Variants in GRXCR2 observed in about 807,000 individuals in gnomAD.
GRXCR2 encodes the protein glutaredoxin domain-containing cysteine-rich protein 2.
Under a neutral mutation model 24.8 loss-of-function variants are expected in GRXCR2, and 23 were observed. That is an observed-to-expected ratio of 0.93 (90% CI 0.67 to 1.32). The LOEUF (loss-of-function observed/expected upper bound fraction) is 1.32. GRXCR2 is among the 40% of genes most tolerant of loss of function. GRXCR2 has a pLI of 0.00. For synonymous variants in GRXCR2, 130 were observed against 116.1 expected (o/e 1.12, Z -0.77); for missense variants, 315 against 303.4 (o/e 1.04, Z -0.28).
intron 2 of GRXCR2, among the ~76,000 whole-genome samples, chr5:145,910,261 G>C (rs1196134674): frequency 1.3e-5 from 2 of 152,142 alleles, no homozygotes; most frequent in Non-Finnish European, 2.9e-5. Flanking sequence ...TCGGGGTCCA[G>C]TCATAAACGA....
chr5:145,880,605 C>A (rs1458438572), intron 2 of GRXCR2, among the ~76,000 whole-genome samples: 1 of 152,118 alleles, frequency 6.6e-6, no homozygotes, highest in Admixed American at 6.5e-5. Flanking sequence ...ACCAGAGGTA[C>A]AAGCAGGAGC....
chr5:145,909,301 A>C (rs1757131721), intron 2 of GRXCR2, among the ~76,000 whole-genome samples: 3 of 152,252 alleles, frequency 2.0e-5, no homozygotes, highest in South Asian at 2.1e-4. Flanking sequence ...GGTAAATAAT[A>C]AACATCACTA....
At chr5:145,888,859 G>T (rs1046415832) in intron 2 of GRXCR2, among the ~76,000 whole-genome samples, 5 of 151,966 alleles carry the variant, frequency 3.3e-5, no homozygotes, top group African/African-American at 9.7e-5. Flanking sequence ...TGAAAAATAG[G>T]TCTTGGCACA....
chr5:145,882,319 T>C (rs1448860675), intron 2 of GRXCR2, among the ~76,000 whole-genome samples: 2 of 152,008 alleles, frequency 1.3e-5, no homozygotes, highest in Non-Finnish European at 2.9e-5. Flanking sequence ...CAAACAAATG[T>C]ACAAGAAAAA....
chr5:145,892,442 C>A (rs1214990084), intron 2 of GRXCR2, among the ~76,000 whole-genome samples: 3 of 152,120 alleles, frequency 2.0e-5, no homozygotes, highest in Admixed American at 2.0e-4. Flanking sequence ...CCTTAAAGGA[C>A]CTGATGGAGC....
At chr5:145,909,531 C>A (rs1003671760) in intron 2 of GRXCR2, among the ~76,000 whole-genome samples, 2 of 152,206 alleles carry the variant, frequency 1.3e-5, no homozygotes, top group Non-Finnish European at 2.9e-5. Flanking sequence ...CTATTGCCCC[C>A]CTCAGTGTAA....
At chr5:145,905,398 A>G (rs1757077311) in intron 2 of GRXCR2, among the ~76,000 whole-genome samples, 1 of 152,242 alleles carries the variant, frequency 6.6e-6, no homozygotes. Context: ...TACCACAGTG[A>G]CGAAGAGAGA....
At chr5:145,930,212 G>A (rs571095234) in intron 2 of GRXCR2, among the ~76,000 whole-genome samples, 8 of 152,234 alleles carry the variant, frequency 5.3e-5, no homozygotes, top group African/African-American at 1.9e-4. Flanking sequence ...AGCCTCCCAA[G>A]TAGCTGGGAT....
chr5:145,925,427 G>C (rs1561693118), intron 2 of GRXCR2, among the ~76,000 whole-genome samples: 1 of 152,156 alleles, frequency 6.6e-6, no homozygotes, highest in African/African-American at 2.4e-5. Context: ...GTTACTGATT[G>C]CATTTTTATG....
chr5:145,901,143 C>T (rs367738664), intron 2 of GRXCR2, among the ~76,000 whole-genome samples: 5 of 142,930 alleles, frequency 3.5e-5, no homozygotes, highest in African/African-American at 1.1e-4. Flanking sequence ...CTGGGGACTA[C>T]TAGAGGGGGG....
At chr5:145,905,614 T>C (rs1757080863) in intron 2 of GRXCR2, among the ~76,000 whole-genome samples, 1 of 152,094 alleles carries the variant, frequency 6.6e-6, no homozygotes, top group South Asian at 2.1e-4. Flanking sequence ...AGAGAGGAAA[T>C]AAAGTATTAT....
At chr5:145,886,227 TC>T (rs1375588523) in intron 2 of GRXCR2, among the ~76,000 whole-genome samples, 1 of 152,178 alleles carries the variant, frequency 6.6e-6, no homozygotes, top group East Asian at 1.9e-4. Flanking sequence ...TCAAGGGATA[TC>T]CCATAGTTTG....
At chr5:145,885,560 G>A (rs1198333972) in intron 2 of GRXCR2, among the ~76,000 whole-genome samples, 1 of 152,180 alleles carries the variant, frequency 6.6e-6, no homozygotes, top group Non-Finnish European at 1.5e-5. Flanking sequence ...AGAGCTAGTA[G>A]TTATTTTGGG....
At chr5:145,861,910 T>A (rs763591073) in intron 2 of GRXCR2, among the ~76,000 whole-genome samples, 8 of 152,206 alleles carry the variant, frequency 5.3e-5, no homozygotes, top group Admixed American at 2.0e-4. Context: ...ATTCTAGATT[T>A]AAGGAATGAA....
chr5:145,913,681 AT>A (rs1279619602), intron 2 of GRXCR2, among the ~76,000 whole-genome samples: 1 of 152,070 alleles, frequency 6.6e-6, no homozygotes, highest in African/African-American at 2.4e-5. Flanking sequence ...TTTTCATTTA[AT>A]TTTTAAAAAT....
intron 2 of GRXCR2, among the ~76,000 whole-genome samples, chr5:145,905,079 G>T (rs548960142): frequency 6.6e-6 from 1 of 152,180 alleles, no homozygotes; most frequent in African/African-American, 2.4e-5. Context: ...GGGAGGGAAC[G>T]ACCCAAGAGA....
chr5:145,900,239 C>T (rs534963577), intron 2 of GRXCR2, among the ~76,000 whole-genome samples: 74 of 152,066 alleles, frequency 4.9e-4, no homozygotes, highest in Non-Finnish European at 9.0e-4. Context: ...TGAGTTCTTA[C>T]GAGATCTGGT....
At chr5:145,901,970 A>C (rs1178057696) in intron 2 of GRXCR2, among the ~76,000 whole-genome samples, 6 of 152,136 alleles carry the variant, frequency 3.9e-5, no homozygotes, top group Non-Finnish European at 8.8e-5. Flanking sequence ...AGTCAACAAG[A>C]TTTACTCATG....
intron 2 of GRXCR2, among the ~76,000 whole-genome samples, chr5:145,881,986 G>C (rs1427135388): frequency 2.0e-5 from 3 of 152,272 alleles, no homozygotes; most frequent in Middle Eastern, 3.4e-3. Context: ...ACTGAAACTG[G>C]ATCCCTTCCT....
Sources: allele counts gnomAD v4.1 joint callset (sites outside exome capture counted in the v4.1 genomes callset), GRCh38; gene constraint gnomAD v4.1.1; transcripts MANE v1.5; gene names NCBI Gene and HGNC (gene_info 2026-07-23, HGNC 2026-07-21).